The following CEBPZOS variants were observed in gnomAD, a reference collection of about 807,000 sequenced individuals.
CEBPZOS encodes the protein CEBPZ opposite strand, also known as protein CEBPZOS.
A neutral mutation model predicts 4.8 loss-of-function variants in CEBPZOS; 10 were observed. That is an observed-to-expected ratio of 2.07 (90% confidence interval 1.28 to 3.52). The LOEUF (loss-of-function observed/expected upper bound fraction) is 3.52, where lower values mean the gene tolerates loss of function less well. Among genes scored for constraint, CEBPZOS ranks in the 30% most tolerant of loss-of-function variants. CEBPZOS has a pLI of 0.00. For missense variants in CEBPZOS, 98 were observed against 43.6 expected (o/e 2.25, Z -3.51); for synonymous variants, 25 against 14.2 (o/e 1.77, Z -1.72).
chr2:37,213,874 T>A, downstream of CEBPZOS: 1 of 1,606,296 alleles, frequency 6.2e-7, no homozygotes, highest in Non-Finnish European at 8.5e-7. Flanking sequence ...CAATCAGCTC[T>A]TCAAATTCTT....
At chr2:37,197,541 C>T (rs748173264) in intron 1 of CEBPZOS, among the ~76,000 whole-genome samples, 1 of 152,220 alleles carries the variant, frequency 6.6e-6, no homozygotes, top group Admixed American at 6.5e-5. Context: ...ATGGAACTGG[C>T]TGCAGGCGGT....
intron 4 of CEBPZOS, among the ~76,000 whole-genome samples, chr2:37,213,028 CAGAG>C (rs369775279): frequency 3.3e-5 from 5 of 151,952 alleles, no homozygotes; most frequent in African/African-American, 7.3e-5. Flanking sequence ...GCCTGGGAGA[CAGAG>C]AGAGCCTGTC....
chr2:37,214,994 C>G (rs1209337357), downstream of CEBPZOS: 1 of 1,247,586 alleles, frequency 8.0e-7, no homozygotes. Context: ...ATATAGCAAT[C>G]CCCTTTATGT....
downstream of CEBPZOS, chr2:37,216,077 C>T (rs1477341610): frequency 7.7e-6 from 9 of 1,173,880 alleles, no homozygotes; most frequent in Admixed American, 6.4e-5. Flanking sequence ...AAGAATAATA[C>T]AATTTATGCA....
At chr2:37,216,175 C>A, downstream of CEBPZOS, 2 of 1,613,198 alleles carry the variant, frequency 1.2e-6, no homozygotes, top group South Asian at 2.2e-5. Context: ...AAAATGTTTT[C>A]TTTTCGGCTG....
At chr2:37,212,212 C>T (rs1487680971) in intron 4 of CEBPZOS, 1 of 1,016,342 alleles carries the variant, frequency 9.8e-7, no homozygotes, top group African/African-American at 1.6e-5. Flanking sequence ...GTACTGTATC[C>T]ACTTCCCAAA....
chr2:37,208,493 C>A (rs148602593), downstream of CEBPZOS, among the ~76,000 whole-genome samples: 1 of 152,018 alleles, frequency 6.6e-6, no homozygotes, highest in South Asian at 2.1e-4. Context: ...GTTTAACATA[C>A]GCAAGTCAAT....
chr2:37,210,999 C>G (rs1426632448), intron 4 of CEBPZOS: 1 of 1,605,064 alleles, frequency 6.2e-7, no homozygotes, highest in Non-Finnish European at 8.5e-7. Context: ...ATTTTCTTAC[C>G]TTGAAATGAG....
At chr2:37,214,488 A>T (rs1370933143), downstream of CEBPZOS, among the ~76,000 whole-genome samples, 1 of 152,130 alleles carries the variant, frequency 6.6e-6, no homozygotes, top group African/African-American at 2.4e-5. Flanking sequence ...ATCTATATTA[A>T]AGGTAGATTT....
chr2:37,212,581 T>A (rs934825482), intron 4 of CEBPZOS: 3 of 542,474 alleles, frequency 5.5e-6, no homozygotes, highest in Non-Finnish European at 9.7e-6. Context: ...CTGATCTTAG[T>A]TAAATCCCAA....
Position 37,199,811 on chromosome 2 carries a change from C to G in CEBPZOS, c.107C>G (p.Thr36Arg). ...GAYFLFSKMHTSQDFRQTMSK... is the reference protein window; with the variant it reads ...GAYFLFSKMHRSQDFRQTMSK... ...TATTTTTTGTTTAGCAAGATGCACA[C>G]AAGCCAAGGTAATCATAATTCAGAA... Residue 36 changes from threonine to arginine, a missense_variant, in exon 2 of 5, where the codon ACA (threonine) becomes AGA (arginine). Physicochemically the swap from Thr to Arg is moderately conservative, Grantham distance 71. Coordinates refer to ENST00000402297, the MANE Select transcript of CEBPZOS (RefSeq NM_001322374.2). 1.4e-6 allele frequency: 1 copy of G among 717,638 alleles called. No individual in the cohort carries two copies. The highest frequency in any genetic ancestry group is 2.6e-6 in the Non-Finnish European group (1 of 385,100). 44.5% of individuals were successfully genotyped at this position (717,638 alleles called of 1,614,324 possible).
chr2:37,200,133 C>T (rs1677146017), intron 2 of CEBPZOS, among the ~76,000 whole-genome samples: 1 of 152,112 alleles, frequency 6.6e-6, no homozygotes, highest in South Asian at 2.1e-4. Flanking sequence ...ACTTAGCCTG[C>T]CCATTATACT....
chr2:37,214,203 A>G (rs558572173), downstream of CEBPZOS, among the ~76,000 whole-genome samples: 34 of 152,338 alleles, frequency 2.2e-4, no homozygotes, highest in Non-Finnish European at 4.3e-4. Context: ...CTATTCTTAT[A>G]TTAGAATACA....
In CEBPZOS at chr2:37,202,081, A is replaced by G. The variant is rs1677275137; in HGVS notation, c.*221A>G. ...CTTCTCATATTTATTGTCAAAGATAAATGTTTCAAAAAGAAATGACTAAGG... is the reference window on the plus strand; with the variant it reads ...CTTCTCATATTTATTGTCAAAGATAGATGTTTCAAAAAGAAATGACTAAGG... On this transcript the variant is annotated 3_prime_UTR_variant, in exon 5 of 5. Coordinates refer to ENST00000402297, the MANE Select transcript of CEBPZOS (RefSeq NM_001322374.2). The G allele has an allele frequency of 7.0e-6, 3 of 426,770 alleles. No homozygotes were observed. Among genetic ancestry groups the G allele is most frequent in the Non-Finnish European group, 1.2e-5 (3 of 243,248 alleles). 26.4% of individuals were successfully genotyped at this position (426,770 alleles called of 1,614,324 possible). A position where few individuals can be genotyped will look rare whatever the true frequency, so the allele number is the denominator to read the frequency against.
intron 4 of CEBPZOS, chr2:37,210,921 A>C: frequency 2.4e-6 from 2 of 832,090 alleles, no homozygotes; most frequent in East Asian, 3.3e-5. Flanking sequence ...CAAATTTAGG[A>C]GAGTTCATTT....
chr2:37,210,859 C>T, intron 4 of CEBPZOS: 2 of 484,306 alleles, frequency 4.1e-6, no homozygotes, highest in Non-Finnish European at 7.2e-6. Flanking sequence ...AAATAATTTC[C>T]ACTTAACATC....
downstream of CEBPZOS, among the ~76,000 whole-genome samples, chr2:37,207,259 A>G (rs1215742251): frequency 6.6e-6 from 1 of 152,246 alleles, no homozygotes; most frequent in Non-Finnish European, 1.5e-5. Context: ...ACAGAAAGTC[A>G]ACAAAGAAAC....
At position 37,202,945 on chromosome 2, in the gene CEBPZOS, C is replaced by T. The variant is rs772577477; in HGVS notation, c.*1085C>T. 47 of 1,589,514 alleles carry T rather than the reference C, an allele frequency of 3.0e-5. No homozygotes were observed. Among genetic ancestry groups the T allele is most frequent in the Non-Finnish European group, 3.3e-5 (39 of 1,168,996 alleles). On this transcript the variant is annotated 3_prime_UTR_variant, in exon 5 of 5. Transcript: ENST00000402297. ...TAGCTTGTTAAAACAGTACATTAGC[C>T]TTACCTCTTCAGCAGATACAAATAG...
At chr2:37,215,398 C>G (rs1363658968), downstream of CEBPZOS, 1 of 152,666 alleles carries the variant, frequency 6.6e-6, no homozygotes, top group Non-Finnish European at 1.5e-5. Flanking sequence ...TTCCTTTATA[C>G]TGAGGAAAAC....
Sources: allele counts gnomAD v4.1 joint callset (sites outside exome capture counted in the v4.1 genomes callset), GRCh38; gene constraint gnomAD v4.1.1; transcripts MANE v1.5; gene names NCBI Gene and HGNC (gene_info 2026-07-23, HGNC 2026-07-21).